KPNA3: variants seen among roughly 807,000 people sequenced by gnomAD.
KPNA3 encodes karyopherin subunit alpha 3, also known as importin subunit alpha-4.
In KPNA3, 13 loss-of-function variants were observed where a neutral mutation model predicts 73.8. The ratio of observed to expected loss-of-function variants is 0.18; its 90% confidence interval spans 0.11 to 0.28. The LOEUF is 0.28. Ranked by LOEUF, KPNA3 falls within the 10% of genes least tolerant of loss-of-function variation. The pLI is 1.00. For missense variants in KPNA3, 360 were observed against 618.1 expected (o/e 0.58, Z 4.43); for synonymous variants, 186 against 206.9 (o/e 0.90, Z 0.87).
At chr13:49,757,458 A>C (rs1954721458) in intron 1 of KPNA3, among the ~76,000 whole-genome samples, 1 of 152,258 alleles carries the variant, frequency 6.6e-6, no homozygotes, top group Non-Finnish European at 1.5e-5. Flanking sequence ...GATGTTCAAT[A>C]CTATTAGCCA....
Position 49,709,673 on chromosome 13 carries a change from T to C in KPNA3, c.931A>G (p.Ile311Val), listed in dbSNP as rs1954241646. 1.9e-6 allele frequency: 3 copies of C among 1,614,102 alleles called. No homozygotes were observed. Among genetic ancestry groups the C allele is most frequent in the African/African-American group, 1.3e-5 (1 of 75,042 alleles). Residue 311 changes from isoleucine (I) to valine (V), a missense_variant, in exon 12 of 17, where the codon ATA becomes GTA. Around this residue, in one of 3 missense-constraint regions of KPNA3, gnomAD observed 287 missense variants for 549.1 expected, o/e 0.52. Transcript: ENST00000261667. ...QTAALRAVGN[I>V]VTGTDEQTQV... The stretch of plus-strand genomic sequence containing the variant: ...GTCTGCTCGTCGGTGCCAGTCACTA[T>C]GTTGCCAACTGCTCTGAGGGCTGCT...
intron 1 of KPNA3, among the ~76,000 whole-genome samples, chr13:49,788,434 CCAGGACCGGG>C (rs1165147741): frequency 7.9e-5 from 12 of 152,138 alleles, no homozygotes; most frequent in African/African-American, 2.9e-4. Flanking sequence ...AATGCACATT[CCAGGACCGGG>C]CATGGTGACT....
At chr13:49,705,480 G>T in intron 15 of KPNA3, 141 bp downstream of exon 15, 2 of 895,738 alleles carry the variant, frequency 2.2e-6, no homozygotes, top group Middle Eastern at 2.3e-4. Context: ...TGCAAATATA[G>T]TGAATAAAGA....
intron 1 of KPNA3, among the ~76,000 whole-genome samples, chr13:49,763,155 A>G (rs1437017423): frequency 5.9e-5 from 9 of 152,180 alleles, no homozygotes; most frequent in South Asian, 2.1e-4. Flanking sequence ...GAAGTAAAAT[A>G]TATCAGCAAG....
At chr13:49,775,524 A>G (rs1281384116) in intron 1 of KPNA3, among the ~76,000 whole-genome samples, 1 of 152,168 alleles carries the variant, frequency 6.6e-6, no homozygotes, top group Non-Finnish European at 1.5e-5. Flanking sequence ...CAAACAAACC[A>G]GCTTTAAAAA....
At chr13:49,726,485 A>C (rs1954410398) in intron 6 of KPNA3, among the ~76,000 whole-genome samples, 1 of 152,134 alleles carries the variant, frequency 6.6e-6, no homozygotes, top group Admixed American at 6.6e-5. Flanking sequence ...ACTAAGAAGC[A>C]AGTAACAGGG....
At chr13:49,721,747 G>C (rs1435661042) in intron 9 of KPNA3, among the ~76,000 whole-genome samples, 1 of 152,148 alleles carries the variant, frequency 6.6e-6, no homozygotes, top group African/African-American at 2.4e-5. Context: ...GTGAACCCAG[G>C]AAGTGGAGCT....
intron 1 of KPNA3, among the ~76,000 whole-genome samples, chr13:49,750,837 T>A (rs1250704516): frequency 6.6e-6 from 1 of 151,392 alleles, no homozygotes; most frequent in Non-Finnish European, 1.5e-5. Flanking sequence ...ACTAAAAATA[T>A]CAAAATTAGC....
At chr13:49,706,521 C>T (rs1166896560) in intron 12 of KPNA3, 149 bp from the exon 13 acceptor site, 1 of 550,214 alleles carries the variant, frequency 1.8e-6, no homozygotes, top group East Asian at 3.0e-5. Context: ...CAAAATCTTC[C>T]ATTTTAAACA....
At chr13:49,749,637 C>A (rs1954646013) in intron 1 of KPNA3, among the ~76,000 whole-genome samples, 1 of 152,102 alleles carries the variant, frequency 6.6e-6, no homozygotes, top group Admixed American at 6.6e-5. Context: ...AAGTACTATA[C>A]CCATGAAACG....
chr13:49,750,938 G>A, intron 1 of KPNA3, among the ~76,000 whole-genome samples: 1 of 152,182 alleles, frequency 6.6e-6, no homozygotes, highest in East Asian at 1.9e-4. Flanking sequence ...GTTGCCATGA[G>A]CCACGAGTGG....
chr13:49,792,593 G>A lies in KPNA3; in HGVS notation c.-87C>T, dbSNP rs1343612859. The A allele has an allele frequency of 2.9e-6, 1 of 349,018 alleles. No individual in the cohort carries two copies. The highest frequency in any genetic ancestry group is 5.0e-6 in the Non-Finnish European group (1 of 200,388). 21.6% of individuals were successfully genotyped at this position (349,018 alleles called of 1,614,324 possible). ...TGGAGCGGGAGGGGGAGGAGGGGGA[G>A]AGCGGGAGGGGGGAGGGGAGAGAAG... On this transcript the variant is annotated 5_prime_UTR_variant, in exon 1 of 17. Coordinates refer to ENST00000261667, the MANE Select transcript of KPNA3 (RefSeq NM_002267.4).
intron 1 of KPNA3, among the ~76,000 whole-genome samples, chr13:49,786,492 GT>G (rs556340215): frequency 1.3e-5 from 2 of 151,700 alleles, no homozygotes; most frequent in Non-Finnish European, 2.9e-5. Context: ...AACTTTTAAA[GT>G]TTTTTTTTGT....
intron 1 of KPNA3, among the ~76,000 whole-genome samples, chr13:49,786,850 T>C (rs534284342): frequency 1.3e-5 from 2 of 152,150 alleles, no homozygotes; most frequent in African/African-American, 4.8e-5. Context: ...CAGAAAGATA[T>C]GAGAAAGATC....
At chr13:49,759,273 T>G (rs1057148773) in intron 1 of KPNA3, among the ~76,000 whole-genome samples, 1 of 152,162 alleles carries the variant, frequency 6.6e-6, no homozygotes, top group Admixed American at 6.5e-5. Context: ...CTAAACAAAT[T>G]TTATCATGGG....
chr13:49,717,266 A>G (rs532098338), intron 10 of KPNA3, among the ~76,000 whole-genome samples: 1 of 152,172 alleles, frequency 6.6e-6, no homozygotes, highest in South Asian at 2.1e-4. Flanking sequence ...ATAGAATCAA[A>G]AACTCATATA....
chr13:49,710,810 G>C, intron 11 of KPNA3, 81 bp downstream of exon 11: 1 of 1,236,870 alleles, frequency 8.1e-7, no homozygotes, highest in Non-Finnish European at 1.1e-6. Context: ...CTTACAGATA[G>C]AATTAAAGCC....
chr13:49,729,258 A>T (rs1044947220), intron 6 of KPNA3, among the ~76,000 whole-genome samples: 7 of 152,226 alleles, frequency 4.6e-5, no homozygotes, highest in African/African-American at 1.7e-4. Flanking sequence ...GAAGAAGTAA[A>T]AAAAACAGTA....
At chr13:49,767,191 C>T (rs961189971) in intron 1 of KPNA3, among the ~76,000 whole-genome samples, 1 of 151,440 alleles carries the variant, frequency 6.6e-6, no homozygotes, top group Non-Finnish European at 1.5e-5. Context: ...CCGAGGTGGG[C>T]GGATCACTTG....
Sources: allele counts gnomAD v4.1 joint callset (sites outside exome capture counted in the v4.1 genomes callset), GRCh38; gene constraint gnomAD v4.1.1; regional missense constraint gnomAD v4.1.1; transcripts MANE v1.5; gene names NCBI Gene and HGNC (gene_info 2026-07-23, HGNC 2026-07-21).